The following CTNNBL1 variants were observed in gnomAD, a reference collection of about 807,000 sequenced individuals.
The protein encoded by CTNNBL1 is catenin beta like 1.
Under a neutral mutation model 72.7 loss-of-function variants are expected in CTNNBL1, and 31 were observed. The observed-to-expected ratio is 0.43, with a 90% confidence interval of 0.32 to 0.58. The LOEUF (loss-of-function observed/expected upper bound fraction) is 0.58. Among genes scored for constraint, CTNNBL1 ranks in the 20% least tolerant of loss-of-function variants. The pLI is 0.08. For synonymous variants in CTNNBL1, 240 were observed against 267.3 expected (o/e 0.90, Z 1.00); for missense variants, 534 against 725.1 (o/e 0.74, Z 3.03).
At chr20:37,714,844 C>T (rs1482868454) in intron 1 of CTNNBL1, among the ~76,000 whole-genome samples, 1 of 152,110 alleles carries the variant, frequency 6.6e-6, no homozygotes, top group African/African-American at 2.4e-5. Flanking sequence ...GCTTCCACAA[C>T]ACTGCTACCC....
At position 37,825,557 on chromosome 20, in the gene CTNNBL1, C is replaced by T. The variant is rs2072152348; in HGVS notation, c.1214-14545C>T. On this transcript the variant is annotated intron_variant, in intron 11 of 15. Coordinates refer to ENST00000361383, the MANE Select transcript of CTNNBL1 (RefSeq NM_030877.5). ...GGGCGTGGTGGTGGGCGCCTGTAATCTCAGTTGCTCGGGAGGCTGAGGCAG... is the reference window on the plus strand; with the variant it reads ...GGGCGTGGTGGTGGGCGCCTGTAATTTCAGTTGCTCGGGAGGCTGAGGCAG... 2.0e-5 allele frequency among the ~76,000 whole-genome samples: 3 copies of T among 152,090 alleles called. No individual in the cohort carries two copies. In the South Asian group the frequency reaches 6.2e-4, roughly 32 times the overall value.
chr20:37,853,005 AG>A (rs1241934030), intron 13 of CTNNBL1, among the ~76,000 whole-genome samples: 2 of 152,190 alleles, frequency 1.3e-5, no homozygotes, highest in Non-Finnish European at 2.9e-5. Flanking sequence ...ATCATAGTTT[AG>A]AGGAGTTCCA....
At chr20:37,771,041 G>A (rs1017268768) in intron 7 of CTNNBL1, among the ~76,000 whole-genome samples, 1 of 152,164 alleles carries the variant, frequency 6.6e-6, no homozygotes. Flanking sequence ...CTTATTAGCT[G>A]TGTAATTGTG....
chr20:37,772,112 A>T (rs1476710148), intron 7 of CTNNBL1, among the ~76,000 whole-genome samples: 1 of 152,126 alleles, frequency 6.6e-6, no homozygotes, highest in African/African-American at 2.4e-5. Context: ...CACCTGGCCA[A>T]CTTGAATATT....
intron 1 of CTNNBL1, among the ~76,000 whole-genome samples, chr20:37,707,250 G>A (rs370014183): frequency 2.6e-5 from 4 of 152,300 alleles, no homozygotes; most frequent in East Asian, 1.9e-4. Flanking sequence ...TTGAGGCCAG[G>A]CATTGACTTC....
intron 5 of CTNNBL1, 84 bp downstream of exon 5, chr20:37,757,740 A>G (rs2073377815): frequency 1.1e-6 from 1 of 946,474 alleles, no homozygotes; most frequent in Non-Finnish European, 1.7e-6. Flanking sequence ...AGTGGCCACC[A>G]GGTGGAACTC....
intron 13 of CTNNBL1, among the ~76,000 whole-genome samples, 190 bp from the exon 14 acceptor site, chr20:37,859,709 T>C (rs980966546): frequency 6.6e-6 from 1 of 152,066 alleles, no homozygotes; most frequent in Non-Finnish European, 1.5e-5. Context: ...GGGGCCTCTA[T>C]AGTCCATTAA....
intron 2 of CTNNBL1, among the ~76,000 whole-genome samples, chr20:37,735,387 C>A (rs774266399): frequency 1.1e-4 from 16 of 152,160 alleles, no homozygotes; most frequent in Non-Finnish European, 2.1e-4. Flanking sequence ...CCTGCCAGAT[C>A]CTTACGTAGA....
In CTNNBL1 at chr20:37,775,689, C is replaced by A. The variant is rs116536572; in HGVS notation, c.751-1656C>A. ...CAGATCTAAGTTACCCCTGTTTGTTCTCTTGCTTAATTCTGTGTCTTCCCT... is the reference window on the plus strand; with the variant it reads ...CAGATCTAAGTTACCCCTGTTTGTTATCTTGCTTAATTCTGTGTCTTCCCT... On this transcript the variant is annotated intron_variant, in intron 7 of 15. Coordinates refer to ENST00000361383, the MANE Select transcript of CTNNBL1 (RefSeq NM_030877.5). Among the ~76,000 whole-genome samples, 1,060 of 152,298 alleles carry A rather than the reference C, an allele frequency of 7.0e-3. 13 individuals are homozygous for A. Among genetic ancestry groups the A allele is most frequent in the African/African-American group, 0.024 (1,016 of 41,562 alleles).
intron 11 of CTNNBL1, among the ~76,000 whole-genome samples, chr20:37,810,130 A>G (rs1426091025): frequency 6.6e-6 from 1 of 152,118 alleles, no homozygotes; most frequent in Non-Finnish European, 1.5e-5. Flanking sequence ...ATCTTAGTCC[A>G]TTTTGTGTTG....
intron 15 of CTNNBL1, among the ~76,000 whole-genome samples, chr20:37,864,078 G>C (rs972233962): frequency 1.3e-5 from 2 of 152,120 alleles, no homozygotes; most frequent in African/African-American, 2.4e-5. Context: ...GGTGGAGAGG[G>C]TGGTGCTGAG....
chr20:37,825,305 AT>A (rs2072149028), intron 11 of CTNNBL1, among the ~76,000 whole-genome samples: 1 of 152,084 alleles, frequency 6.6e-6, no homozygotes, highest in Admixed American at 6.6e-5. Context: ...GTGAGCTGAG[AT>A]TGCATCGCTG....
chr20:37,753,405 T>G (rs1012430086), intron 4 of CTNNBL1, among the ~76,000 whole-genome samples: 6 of 152,234 alleles, frequency 3.9e-5, no homozygotes, highest in Admixed American at 2.0e-4. Flanking sequence ...TGTTTCTTAT[T>G]TTTTAAGTTT....
At chr20:37,737,356 T>C (rs1350476755) in intron 2 of CTNNBL1, 22 bp from the exon 3 acceptor site, 2 of 1,575,014 alleles carry the variant, frequency 1.3e-6, no homozygotes, top group African/African-American at 2.7e-5. Flanking sequence ...CTGAAGTTTT[T>C]GCATTTGTCT....
At chr20:37,863,771 A>G (rs2072512398) in intron 15 of CTNNBL1, among the ~76,000 whole-genome samples, 1 of 152,114 alleles carries the variant, frequency 6.6e-6, no homozygotes, top group South Asian at 2.1e-4. Context: ...TCCCTGGGGA[A>G]TCGTTTGGGA....
In CTNNBL1 at chr20:37,777,638, T is replaced by G; in HGVS notation, c.824-16T>G. 1.2e-6 allele frequency: 2 copies of G among 1,608,826 alleles called. No individual in the cohort carries two copies. The highest frequency in any genetic ancestry group is 1.7e-6 in the Non-Finnish European group (2 of 1,175,360). The stretch of plus-strand genomic sequence containing the variant: ...TAGGTTCATTTTTTTTCTTCCTCTA[T>G]TTTTTTCCCCTTTAGAAAACAGGGA... On this transcript the variant is annotated splice_polypyrimidine_tract_variant and intron_variant, in intron 8 of 15. Coordinates refer to ENST00000361383, the MANE Select transcript of CTNNBL1 (RefSeq NM_030877.5).
chr20:37,762,297 G>A (rs929851108), intron 5 of CTNNBL1, among the ~76,000 whole-genome samples: 2 of 152,154 alleles, frequency 1.3e-5, no homozygotes, highest in African/African-American at 4.8e-5. Context: ...CTCCTAGTAG[G>A]CAGAAAAATC....
At chr20:37,847,744 A>G (rs2072358660) in intron 13 of CTNNBL1, 1 of 152,574 alleles carries the variant, frequency 6.6e-6, no homozygotes, top group African/African-American at 2.4e-5. Flanking sequence ...TTCCTGGGAA[A>G]ATTATACTCA....
intron 13 of CTNNBL1, among the ~76,000 whole-genome samples, chr20:37,852,763 T>C (rs2072408276): frequency 6.6e-6 from 1 of 152,162 alleles, no homozygotes; most frequent in Non-Finnish European, 1.5e-5. Flanking sequence ...CGGTTTTTTG[T>C]ATCATACTCT....
Sources: gnomAD v4.1 joint callset for allele counts (sites outside exome capture counted in the v4.1 genomes callset) on GRCh38, gnomAD v4.1.1 for gene constraint, MANE v1.5 for transcripts, NCBI Gene and HGNC (gene_info 2026-07-23, HGNC 2026-07-21) for gene names.